KHDRBS2: variants seen among roughly 807,000 people sequenced by gnomAD.
KHDRBS2 encodes KH RNA binding domain containing, signal transduction associated 2, also known as KH domain-containing, RNA-binding, signal transduction-associated protein 2.
In KHDRBS2, 26 loss-of-function variants were observed where a neutral mutation model predicts 44.3. That is an observed-to-expected ratio of 0.59 (90% confidence interval 0.43 to 0.81). The LOEUF (loss-of-function observed/expected upper bound fraction) is 0.81. Among genes scored for constraint, KHDRBS2 ranks in the 40% least tolerant of loss-of-function variants. The pLI is 0.00. For synonymous variants in KHDRBS2, 194 were observed against 151.1 expected (o/e 1.28, Z -2.08); for missense variants, 476 against 433.1 (o/e 1.10, Z -0.88).
chr6:61,797,729 GTGT>G (rs1785586795), intron 6 of KHDRBS2, among the ~76,000 whole-genome samples: 1 of 28,556 alleles, frequency 3.5e-5, no homozygotes, highest in South Asian at 1.7e-3. Flanking sequence ...GGTGTTTTGT[GTGT>G]GTGTGTGTGT....
rs181908299 is a variant in KHDRBS2, at chr6:62,120,027, T to C, written c.219+57158A>G. Among the ~76,000 whole-genome samples the C allele has an allele frequency of 2.2e-4, 34 of 152,266 alleles. No individual in the cohort carries two copies. In the East Asian group the frequency reaches 6.6e-3, roughly 29 times the overall value. On this transcript the variant is annotated intron_variant, in intron 2 of 8. Transcript: ENST00000281156. ...CAGGAAACAGGCATGGGAATGGATATTAAGGGTGTGGAATAATGGTGAAAG... is the reference window on the plus strand; with the variant it reads ...CAGGAAACAGGCATGGGAATGGATACTAAGGGTGTGGAATAATGGTGAAAG...
intron 6 of KHDRBS2, among the ~76,000 whole-genome samples, chr6:61,850,893 AACC>A (rs1795311294): frequency 6.6e-6 from 1 of 152,290 alleles, no homozygotes; most frequent in East Asian, 1.9e-4. Context: ...AAGTCACTAC[AACC>A]AAAGGGATTT....
chr6:61,875,692 T>C (rs1231955142), intron 6 of KHDRBS2, among the ~76,000 whole-genome samples: 2 of 152,038 alleles, frequency 1.3e-5, no homozygotes, highest in Admixed American at 6.6e-5. Flanking sequence ...AAATCAACCT[T>C]CTAACAGGCA....
chr6:61,770,735 G>A (rs948844980), intron 6 of KHDRBS2, among the ~76,000 whole-genome samples: 2 of 152,226 alleles, frequency 1.3e-5, no homozygotes. Flanking sequence ...GTGACAGGGA[G>A]AATGGAACCA....
intron 8 of KHDRBS2, among the ~76,000 whole-genome samples, chr6:61,695,094 A>T (rs1317810457): frequency 6.6e-6 from 1 of 152,090 alleles, no homozygotes; most frequent in African/African-American, 2.4e-5. Context: ...GAGAAATCCT[A>T]ATTTAGGAAG....
intron 6 of KHDRBS2, among the ~76,000 whole-genome samples, chr6:61,881,061 C>A (rs574051711): frequency 6.6e-6 from 1 of 151,898 alleles, no homozygotes; most frequent in Non-Finnish European, 1.5e-5. Context: ...AAATTTGGGC[C>A]ACAGAAACCT....
At chr6:61,633,861 G>A in the KHDRBS2 span, among the ~76,000 whole-genome samples, 1 of 151,926 alleles carries the variant, frequency 6.6e-6, no homozygotes, top group Non-Finnish European at 1.5e-5. Flanking sequence ...ATATCTTCCA[G>A]AAGTCCTCTC....
chr6:62,114,994 C>T (rs1805867628), intron 2 of KHDRBS2, among the ~76,000 whole-genome samples: 1 of 152,080 alleles, frequency 6.6e-6, no homozygotes, highest in Admixed American at 6.6e-5. Flanking sequence ...ATATTTAACA[C>T]AAGAAATTCT....
At chr6:62,276,966 C>T (rs1841029164) in intron 1 of KHDRBS2, among the ~76,000 whole-genome samples, 2 of 152,092 alleles carry the variant, frequency 1.3e-5, no homozygotes, top group Admixed American at 1.3e-4. Context: ...AAAACTAATG[C>T]TAATAACTAC....
chr6:61,775,865 G>A (rs1781895145), intron 6 of KHDRBS2, among the ~76,000 whole-genome samples: 1 of 152,152 alleles, frequency 6.6e-6, no homozygotes, highest in Admixed American at 6.5e-5. Context: ...CAAAGCTGGA[G>A]GCAACAGGCT....
At chr6:62,017,957 T>C (rs532936667) in intron 3 of KHDRBS2, among the ~76,000 whole-genome samples, 1 of 152,022 alleles carries the variant, frequency 6.6e-6, no homozygotes, top group East Asian at 1.9e-4. Context: ...CCACTGCAAG[T>C]TACCGAAGAC....
chr6:62,105,047 C>A (rs1009090685), intron 2 of KHDRBS2, among the ~76,000 whole-genome samples: 1 of 151,912 alleles, frequency 6.6e-6, no homozygotes, highest in African/African-American at 2.4e-5. Context: ...AAAACGTGGA[C>A]AAATTCATTG....
intron 6 of KHDRBS2, among the ~76,000 whole-genome samples, chr6:61,820,204 G>A (rs1789673344): frequency 1.3e-5 from 2 of 152,006 alleles, no homozygotes; most frequent in Non-Finnish European, 1.5e-5. Context: ...ATTACCATGG[G>A]ATGACATTGA....
chr6:61,683,611 A>G (rs1310441789), intron 8 of KHDRBS2, among the ~76,000 whole-genome samples: 1 of 151,914 alleles, frequency 6.6e-6, no homozygotes, highest in Non-Finnish European at 1.5e-5. Context: ...GAAATCTTAT[A>G]TATTTGTTAT....
At chr6:62,172,658 T>C (rs1053619392) in intron 2 of KHDRBS2, among the ~76,000 whole-genome samples, 4 of 137,312 alleles carry the variant, frequency 2.9e-5, no homozygotes, top group East Asian at 4.3e-4. Flanking sequence ...CACTTTAAAA[T>C]TGACCACACA....
At chr6:62,280,370 C>T (rs1470867398) in intron 1 of KHDRBS2, among the ~76,000 whole-genome samples, 11 of 151,882 alleles carry the variant, frequency 7.2e-5, no homozygotes, top group African/African-American at 2.4e-4. Flanking sequence ...GGGCAAGAAA[C>T]GGTCAAAAAA....
At chr6:61,942,968 AGAGG>A (rs1288253012) in intron 4 of KHDRBS2, among the ~76,000 whole-genome samples, 2 of 139,822 alleles carry the variant, frequency 1.4e-5, no homozygotes, top group East Asian at 2.4e-4. Context: ...GAGGAGAGAG[AGAGG>A]GAGGGAGGGG....
At chr6:61,584,876 C>T in the KHDRBS2 span, among the ~76,000 whole-genome samples, 35 of 151,026 alleles carry the variant, frequency 2.3e-4, no homozygotes, top group African/African-American at 6.0e-4. Flanking sequence ...AATTTTAAAG[C>T]GTAATTTTTG....
chr6:61,910,142 T>C (rs1357953497), intron 4 of KHDRBS2, among the ~76,000 whole-genome samples: 2 of 152,168 alleles, frequency 1.3e-5, no homozygotes, highest in African/African-American at 4.8e-5. Context: ...CTGCACAATA[T>C]CAGACTTGCA....
Sources: gnomAD v4.1 joint callset for allele counts (sites outside exome capture counted in the v4.1 genomes callset) on GRCh38, gnomAD v4.1.1 for gene constraint, MANE v1.5 for transcripts, NCBI Gene and HGNC (gene_info 2026-07-23, HGNC 2026-07-21) for gene names.